The following CHID1 variants were observed in gnomAD, a reference collection of about 807,000 sequenced individuals.
The protein encoded by CHID1 is chitinase domain-containing protein 1.
CHID1 carries 44 observed loss-of-function variants against 55.4 expected under a neutral mutation model. The observed-to-expected ratio is 0.79, with a 90% CI of 0.62 to 1.02. The LOEUF is 1.02. CHID1 is among the 50% of genes least tolerant of loss of function. The pLI is 0.00. For missense variants in CHID1, 491 were observed against 515.3 expected, an observed-to-expected ratio of 0.95 and a Z score of 0.46; for synonymous variants, 216 against 212.9, an observed-to-expected ratio of 1.01 and a Z score of -0.13.
intron 8 of CHID1, among the ~76,000 whole-genome samples, chr11:887,555 T>C (rs1203361373): frequency 6.6e-6 from 1 of 152,216 alleles, no homozygotes; most frequent in Non-Finnish European, 1.5e-5. Flanking sequence ...CTTGGGCCTT[T>C]GCTGCCCCTA....
chr11:874,567 G>A (rs193041382), intron 10 of CHID1, among the ~76,000 whole-genome samples: 8 of 152,256 alleles, frequency 5.3e-5, no homozygotes, highest in African/African-American at 9.6e-5. Context: ...CGATCCTCCC[G>A]CCTCAGCCTC....
chr11:910,881 G>GT (rs1852629585), upstream of CHID1: 1 of 1,050,162 alleles, frequency 9.5e-7, no homozygotes, highest in African/African-American at 1.8e-5. Context: ...CGCACGGCAC[G>GT]CTGGGATGGA....
chr11:902,912 C>T (rs1172961471), intron 3 of CHID1, 50 bp downstream of exon 3: 3 of 1,578,642 alleles, frequency 1.9e-6, no homozygotes, highest in Non-Finnish European at 2.6e-6. Context: ...GCCAGGGCAG[C>T]CCACCTGAGC....
At chr11:914,886 T>A (rs1852857987), upstream of CHID1, 1 of 307,202 alleles carries the variant, frequency 3.3e-6, no homozygotes, top group Non-Finnish European at 6.4e-6. Context: ...GGCAGGGCCC[T>A]TCCCAACAGT....
chr11:882,857 G>A, intron 10 of CHID1: 2 of 357,764 alleles, frequency 5.6e-6, no homozygotes. Flanking sequence ...GGCCCGGCCT[G>A]TATGCTGTGG....
At chr11:911,620 C>G (rs1852693544), upstream of CHID1, among the ~76,000 whole-genome samples, 1 of 152,204 alleles carries the variant, frequency 6.6e-6, no homozygotes, top group Admixed American at 6.5e-5. Context: ...TTCTCCATTT[C>G]TGCTGCTTGG....
intron 10 of CHID1, among the ~76,000 whole-genome samples, chr11:874,187 C>T (rs567890352): frequency 1.8e-4 from 28 of 152,286 alleles, no homozygotes; most frequent in African/African-American, 6.0e-4. Context: ...GGGGGCCGGG[C>T]GTGGTGGCTC....
chr11:879,521 T>C (rs75098216), intron 10 of CHID1, among the ~76,000 whole-genome samples: 4 of 32,594 alleles, frequency 1.2e-4, no homozygotes. Context: ...ATCTACAAGC[T>C]GAGGAGAGGC....
intron 7 of CHID1, among the ~76,000 whole-genome samples, 195 bp downstream of exon 7, chr11:899,145 T>C (rs937050206): frequency 2.0e-5 from 3 of 152,112 alleles, no homozygotes; most frequent in African/African-American, 7.2e-5. Flanking sequence ...CACTTTTCTG[T>C]TCGGAGCCGG....
At chr11:886,713 C>T (rs561969942) in intron 8 of CHID1, among the ~76,000 whole-genome samples, 3 of 152,346 alleles carry the variant, frequency 2.0e-5, no homozygotes, top group East Asian at 3.9e-4. Flanking sequence ...GGGCTTCGGG[C>T]TTGCCAGCGC....
intron 8 of CHID1, 118 bp downstream of exon 8, chr11:893,309 G>A (rs1850978481): frequency 7.9e-6 from 6 of 762,598 alleles, no homozygotes; most frequent in Non-Finnish European, 1.3e-5. Context: ...TATACAGACG[G>A]GATGAGGTTT....
intron 1 of CHID1, chr11:908,537 C>T: frequency 3.0e-6 from 3 of 983,914 alleles, no homozygotes; most frequent in Non-Finnish European, 3.6e-6. Flanking sequence ...CCCAGAATCA[C>T]TTGCCTGGCC....
At chr11:870,622 G>A in intron 10 of CHID1, 123 bp from the exon 11 acceptor site, 1 of 684,754 alleles carries the variant, frequency 1.5e-6, no homozygotes. Context: ...TGTCCCCAGT[G>A]GTCTGGGGGA....
chr11:914,460 C>T, upstream of CHID1: 1 of 1,161,668 alleles, frequency 8.6e-7, no homozygotes, highest in South Asian at 1.3e-5. Context: ...GGTGAGGAGG[C>T]CTGCAGAGAT....
chr11:902,378 T>C (rs753426816), intron 3 of CHID1, 48 bp from the exon 4 acceptor site: 2 of 1,590,770 alleles, frequency 1.3e-6, no homozygotes, highest in Non-Finnish European at 8.6e-7. Context: ...AGTGAGCACC[T>C]GTCTCACCAT....
At chr11:891,145 A>AG (rs1850786834) in intron 8 of CHID1, among the ~76,000 whole-genome samples, 1 of 152,174 alleles carries the variant, frequency 6.6e-6, no homozygotes, top group Non-Finnish European at 1.5e-5. Flanking sequence ...CTGGGGCTGT[A>AG]GCCAGAGTCT....
chr11:900,128 AC>A lies in CHID1; in HGVS notation c.440-19del, dbSNP rs753119839. On this transcript the variant is annotated intron_variant, in intron 5 of 12. Transcript: ENST00000323578. ...CCGAGGCACTGCAGGGGCAACAGAC[AC>A]ACACGGGGGCCGTGACTGGGAGATG... The A allele has an allele frequency of 5.3e-5, 85 of 1,594,058 alleles. No individual in the cohort carries two copies. Among genetic ancestry groups the A allele is most frequent in the Middle Eastern group, 3.3e-4 (2 of 6,038 alleles).
rs757036352 is a variant in CHID1, at chr11:869,825, G to T, written c.*33C>A. The T allele has an allele frequency of 7.6e-6, 12 of 1,582,350 alleles. No homozygotes were observed. In the South Asian group the frequency reaches 1.2e-4, roughly 16 times the overall value. Reference sequence around the variant, plus strand: ...CTCACTCACTCCATGGCTTAGAAAAGAACACGTCCACCGCGGAGGCCGCAA... The same window carrying T: ...CTCACTCACTCCATGGCTTAGAAAATAACACGTCCACCGCGGAGGCCGCAA... On this transcript the variant is annotated 3_prime_UTR_variant, in exon 13 of 13. Coordinates refer to ENST00000323578, the MANE Select transcript of CHID1 (RefSeq NM_023947.4).
At chr11:894,639 G>A (rs567181095) in intron 7 of CHID1, among the ~76,000 whole-genome samples, 2 of 152,304 alleles carry the variant, frequency 1.3e-5, no homozygotes, top group Admixed American at 6.5e-5. Flanking sequence ...CCACCCCTTA[G>A]GGGATGACAG....
Sources: allele counts gnomAD v4.1 joint callset (sites outside exome capture counted in the v4.1 genomes callset), GRCh38; gene constraint gnomAD v4.1.1; transcripts MANE v1.5; gene names NCBI Gene and HGNC (gene_info 2026-07-23, HGNC 2026-07-21).